Variants in B3GALNT2 observed in about 807,000 individuals in gnomAD.
The protein encoded by B3GALNT2 is beta-1,3-N-acetylgalactosaminyltransferase 2.
In B3GALNT2, 53 loss-of-function variants were observed where a neutral mutation model predicts 61.1. The observed-to-expected ratio is 0.87, with a 90% CI of 0.70 to 1.09. B3GALNT2 has a LOEUF of 1.09. Ranked by LOEUF, B3GALNT2 falls within the 50% of genes least tolerant of loss-of-function variation. The pLI is 0.00. For missense variants in B3GALNT2, 544 were observed against 623.0 expected, an observed-to-expected ratio of 0.87 and a Z score of 1.35; for synonymous variants, 223 against 237.4, an observed-to-expected ratio of 0.94 and a Z score of 0.56.
In B3GALNT2 at chr1:235,484,441, T is replaced by G. The variant is rs1684704587; in HGVS notation, c.436A>C (p.Ser146Arg). ...SSGLPEDRVV[S>R]VSFRVLYPIV... is the part of the protein sequence containing the mutation. Reference sequence around the variant, plus strand: ...GGGTAGAGAACTCGGAAACTCACGCTGACAACTCGATCCTCAGGCAGCCCC... The same window carrying G: ...GGGTAGAGAACTCGGAAACTCACGCGGACAACTCGATCCTCAGGCAGCCCC... The change falls in exon 4 of 12, where the codon AGC (serine) becomes CGC (arginine). Residue 146 changes from serine to arginine, a missense_variant. Ser to Arg is a moderately radical substitution (Grantham distance 110). Coordinates refer to ENST00000366600, the MANE Select transcript of B3GALNT2 (RefSeq NM_152490.5). The G allele has an allele frequency of 2.5e-6, 4 of 1,614,202 alleles. No homozygotes were observed. The highest frequency in any genetic ancestry group is 3.4e-6 in the Non-Finnish European group (4 of 1,180,034).
intron 4 of B3GALNT2, among the ~76,000 whole-genome samples, chr1:235,480,797 T>A (rs1326184957): frequency 1.3e-5 from 2 of 150,614 alleles, no homozygotes; most frequent in East Asian, 3.9e-4. Flanking sequence ...TCCCAGCTAC[T>A]TAGGAGGCTG....
Position 235,448,862 on chromosome 1 carries a change from G to A in B3GALNT2, c.*1344C>T. On this transcript the variant is annotated 3_prime_UTR_variant, in exon 12 of 12. Transcript: ENST00000366600. ...AACAATTCTACTGTCAAAACAAAGG[G>A]GGTTTACAACTTGTCCTAAGTATAA... 1 of 929,626 alleles carries A rather than the reference G, an allele frequency of 1.1e-6. No individual in the cohort carries two copies. The highest frequency in any genetic ancestry group is 1.4e-5 in the South Asian group (1 of 73,678). The allele number at this position is 929,626 out of a possible 1,614,324, so 57.6% of individuals were successfully genotyped here. A position where few individuals can be genotyped will look rare whatever the true frequency, so the allele number is the denominator to read the frequency against.
Position 235,448,818 on chromosome 1 carries a change from G to C in B3GALNT2, c.*1388C>G. 4.0e-6 allele frequency: 5 copies of C among 1,249,644 alleles called. No individual in the cohort carries two copies. Among genetic ancestry groups the C allele is most frequent in the Non-Finnish European group, 5.9e-6 (5 of 854,676 alleles). The allele number at this position is 1,249,644 out of a possible 1,614,324, so 77.4% of individuals were successfully genotyped here. A position where few individuals can be genotyped will look rare whatever the true frequency, so the allele number is the denominator to read the frequency against. The stretch of plus-strand genomic sequence containing the variant: ...TGCTTATCGTGTCTGGGGTTCACCG[G>C]AAATAAATGATTCACTGGAACAATT... On this transcript the variant is annotated 3_prime_UTR_variant, in exon 12 of 12. Coordinates refer to ENST00000366600, the MANE Select transcript of B3GALNT2 (RefSeq NM_152490.5).
rs1197428082 is a variant in B3GALNT2 at position 235,484,386 on chromosome 1, T to C, written c.491A>G (p.Tyr164Cys). The C allele has an allele frequency of 6.2e-7, 1 of 1,614,214 alleles. No homozygotes were observed. The highest frequency in any genetic ancestry group is 8.5e-7 in the Non-Finnish European group (1 of 1,180,028). The change falls in exon 4 of 12, where the codon TAC (tyrosine) becomes TGC (cysteine). Residue 164 changes from tyrosine to cysteine, a missense_variant. Physicochemically the swap from Tyr to Cys is radical, Grantham distance 194. Coordinates refer to ENST00000366600, the MANE Select transcript of B3GALNT2 (RefSeq NM_152490.5). ...PIVITSLGVFYDANDVGFQRN... is the reference protein window; with the variant it reads ...PIVITSLGVFCDANDVGFQRN... ...CTGGAAACCCACATCATTGGCATCG[T>C]AGAACACTCCAAGACTGGTAATAAC...
intron 4 of B3GALNT2, among the ~76,000 whole-genome samples, chr1:235,484,003 T>A (rs1684677694): frequency 6.6e-6 from 1 of 152,188 alleles, no homozygotes; most frequent in Admixed American, 6.5e-5. Flanking sequence ...TACTCACTTA[T>A]CCTAAGAATC....
intron 1 of B3GALNT2, among the ~76,000 whole-genome samples, chr1:235,501,697 A>C (rs1572570052): frequency 6.6e-6 from 1 of 151,906 alleles, no homozygotes; most frequent in East Asian, 1.9e-4. Flanking sequence ...TCGCTCTTTC[A>C]AAAAAAACAA....
At chr1:235,460,715 C>T (rs964751146) in intron 7 of B3GALNT2, among the ~76,000 whole-genome samples, 7 of 151,596 alleles carry the variant, frequency 4.6e-5, no homozygotes, top group South Asian at 2.1e-4. Flanking sequence ...CTGGTACTCC[C>T]GGCACCTGTC....
Position 235,450,159 on chromosome 1 carries a change from T to G in B3GALNT2, c.*47A>C. 1 of 1,608,768 alleles carries G rather than the reference T, an allele frequency of 6.2e-7. No homozygotes were observed. Among genetic ancestry groups the G allele is most frequent in the Non-Finnish European group, 8.5e-7 (1 of 1,175,618 alleles). On this transcript the variant is annotated 3_prime_UTR_variant, in exon 12 of 12. Coordinates refer to ENST00000366600, the MANE Select transcript of B3GALNT2 (RefSeq NM_152490.5). ...GGACTCCTCAGACTTGCACTCAGAT[T>G]ATCGTTTGCCTGCCCTGATTTTAGA...
At chr1:235,478,836 T>C (rs1019073269) in intron 5 of B3GALNT2, 1 of 152,256 alleles carries the variant, frequency 6.6e-6, no homozygotes, top group Non-Finnish European at 1.5e-5. Context: ...AAATGTTAAA[T>C]GTGATTATCT....
chr1:235,441,975 T>A, the B3GALNT2 span: 1 of 1,095,998 alleles, frequency 9.1e-7, no homozygotes, highest in East Asian at 2.5e-5. Context: ...ACCTCTTAAG[T>A]ACCTAAGTAA....
At chr1:235,467,450 C>CTGTA (rs915363315) in intron 6 of B3GALNT2, among the ~76,000 whole-genome samples, 1 of 150,904 alleles carries the variant, frequency 6.6e-6, no homozygotes, top group African/African-American at 2.4e-5. Context: ...CCATAAAAGA[C>CTGTA]TGTATATGCT....
At position 235,494,806 on chromosome 1, in the gene B3GALNT2, C is replaced by G; in HGVS notation, c.135G>C (p.Gln45His). Residue 45 changes from glutamine to histidine, a missense_variant, in exon 2 of 12, where the codon CAG becomes CAC. By Grantham distance (24) the Gln-to-His change is conservative. Transcript: ENST00000366600. ...GPADQLALFP[Q>H]WKSTHYDVVV... The stretch of plus-strand genomic sequence containing the variant: ...CCACATCATAGTGAGTAGATTTCCA[C>G]TGAGGAAATAAGGCCAACTGATCTA... 6.2e-7 allele frequency: 1 copy of G among 1,610,562 alleles called. No homozygotes were observed. The highest frequency in any genetic ancestry group is 8.5e-7 in the Non-Finnish European group (1 of 1,177,468).
chr1:235,445,297 G>T (rs576558704), downstream of B3GALNT2, among the ~76,000 whole-genome samples: 577 of 152,196 alleles, frequency 3.8e-3, 4 homozygotes, highest in African/African-American at 0.013. Context: ...CACATGCTGT[G>T]AATATTTAAC....
chr1:235,449,406 A>G lies in B3GALNT2; in HGVS notation c.*800T>C, dbSNP rs1192436803. ...GGAGGAAAGCAAAACTAATTCTTTC[A>G]AAATGTCAACAAAATTTAGAAATAT... On this transcript the variant is annotated 3_prime_UTR_variant, in exon 12 of 12. Transcript: ENST00000366600. 3.3e-5 allele frequency: 5 copies of G among 153,202 alleles called. No individual in the cohort carries two copies. The highest frequency in any genetic ancestry group is 3.2e-4 in the Admixed American group (5 of 15,416). The allele number at this position is 153,202 out of a possible 1,614,324, so 9.5% of individuals were successfully genotyped here.
chr1:235,483,256 T>C (rs1684639646), intron 4 of B3GALNT2, among the ~76,000 whole-genome samples: 1 of 152,206 alleles, frequency 6.6e-6, no homozygotes, highest in Admixed American at 6.5e-5. Context: ...AACAGTCTTG[T>C]GATCTGCAGG....
At chr1:235,442,784 G>T, downstream of B3GALNT2, 1 of 1,474,200 alleles carries the variant, frequency 6.8e-7, no homozygotes, top group Non-Finnish European at 9.4e-7. Context: ...ATCTGTTGAT[G>T]TGTGTGGATA....
At position 235,447,954 on chromosome 1, in the gene B3GALNT2, T is replaced by C. The variant is rs1380341639; in HGVS notation, c.*2252A>G. 6.6e-6 allele frequency among the ~76,000 whole-genome samples: 1 copy of C among 151,924 alleles called. No individual in the cohort carries two copies. The highest frequency in any genetic ancestry group is 1.5e-5 in the Non-Finnish European group (1 of 68,014). ...CAGCCAGGCGCTGGGCTCATGCTTG[T>C]AATCCCAGCACTTTGGGGGGCCAGG... On this transcript the variant is annotated 3_prime_UTR_variant, in exon 12 of 12. Coordinates refer to ENST00000366600, the MANE Select transcript of B3GALNT2 (RefSeq NM_152490.5).
chr1:235,496,675 A>G (rs1685340502), intron 1 of B3GALNT2, among the ~76,000 whole-genome samples: 2 of 151,446 alleles, frequency 1.3e-5, no homozygotes, highest in Admixed American at 1.3e-4. Flanking sequence ...CCTCCTGAGT[A>G]GCTGGGATTA....
At chr1:235,441,568 C>T in the B3GALNT2 span, 2 of 529,894 alleles carry the variant, frequency 3.8e-6, no homozygotes, top group Non-Finnish European at 3.4e-6. Flanking sequence ...TTGAGTTTCA[C>T]TGGTCATTAA....
Sources: gnomAD v4.1 joint callset for allele counts (sites outside exome capture counted in the v4.1 genomes callset) on GRCh38, gnomAD v4.1.1 for gene constraint, MANE v1.5 for transcripts, NCBI Gene and HGNC (gene_info 2026-07-23, HGNC 2026-07-21) for gene names.